The following PEG3 variants were observed in gnomAD, a reference collection of about 807,000 sequenced individuals.
PEG3 encodes the protein paternally expressed 3, also known as paternally-expressed gene 3 protein.
A neutral mutation model predicts 35.5 loss-of-function variants in PEG3; 23 were observed. That is an observed-to-expected ratio of 0.65 (90% CI 0.47 to 0.92). The LOEUF (loss-of-function observed/expected upper bound fraction) is 0.92, where lower values mean the gene tolerates loss of function less well. Ranked by LOEUF, PEG3 falls within the 40% of genes least tolerant of loss-of-function variation. The pLI, the probability that PEG3 is intolerant of heterozygous loss-of-function variation, is 0.00. For synonymous variants in PEG3, 707 were observed against 697.0 expected, an observed-to-expected ratio of 1.01 and a Z score of -0.23; for missense variants, 1,960 against 1,985.3, an observed-to-expected ratio of 0.99 and a Z score of 0.24.
In PEG3 at chr19:56,813,356, A is replaced by C; in HGVS notation, c.*319T>G. The C allele has an allele frequency of 8.9e-7, 1 of 1,123,662 alleles. No homozygotes were observed. Among genetic ancestry groups the C allele is most frequent in the Non-Finnish European group, 1.1e-6 (1 of 913,182 alleles). 69.6% of individuals were successfully genotyped at this position (1,123,662 alleles called of 1,614,324 possible). ...TGAAACACTATATATACGTTACACA[A>C]GTGTCATTTACAGTTGATTTGGGCA... On this transcript the variant is annotated 3_prime_UTR_variant, in exon 10 of 10. Transcript: ENST00000326441.
chr19:56,821,543 C>T, intron 7 of PEG3, 108 bp downstream of exon 7: 1 of 1,385,108 alleles, frequency 7.2e-7, no homozygotes, highest in South Asian at 1.3e-5. Flanking sequence ...GGACTCTCAC[C>T]CCAGCTGGAC....
intron 7 of PEG3, among the ~76,000 whole-genome samples, chr19:56,819,071 A>C (rs1048625418): frequency 1.3e-5 from 2 of 152,208 alleles, no homozygotes; most frequent in East Asian, 3.9e-4. Flanking sequence ...AACAGTGTGC[A>C]AAGGTTTGTG....
rs199697676 is a variant in PEG3, at chr19:56,814,558, G to A, written c.3884C>T (p.Ala1295Val). ...AACAGTTACGTGATCTGCAAGTTCT[G>A]CTGGGTTGACGAAAGATTCTCCACA... The part of the protein sequence containing the change: ...AVCGESFVNP[A>V]ELADHVTVHK... Residue 1295 changes from alanine to valine, a missense_variant, in exon 10 of 10, where the codon GCA becomes GTA. This residue lies in a region of PEG3 where 416 missense variants were observed against 416.7 expected (regional missense o/e 1.00). Coordinates refer to ENST00000326441, the MANE Select transcript of PEG3 (RefSeq NM_006210.3). This position sits in a 1 kb window ranked among gnomAD's most constrained non-coding sequence, Gnocchi z 5.8. 13 of 1,613,696 alleles carry A rather than the reference G, an allele frequency of 8.1e-6. No individual in the cohort carries two copies. The highest frequency in any genetic ancestry group is 3.3e-4 in the Middle Eastern group (2 of 6,082).
chr19:56,816,684 A>G lies in PEG3; in HGVS notation c.1758T>C (p.Phe586=), dbSNP rs375629814. 19 of 1,613,982 alleles carry G rather than the reference A, an allele frequency of 1.2e-5. No individual in the cohort carries two copies. Among genetic ancestry groups the G allele is most frequent in the Admixed American group, 3.3e-5 (2 of 60,000 alleles). Residue 586 remains phenylalanine (F), a synonymous_variant, in exon 10 of 10, where the codon TTT becomes TTC. Transcript: ENST00000326441. The part of the protein sequence containing the change: ...SALIEHQKIH[F]GDDKDNEREH... The stretch of plus-strand genomic sequence containing the variant: ...CACGCTCATTATCTTTGTCATCCCC[A>G]AAGTGGATTTTCTGGTGCTCAATCA...
rs1600869838 is a variant in PEG3 at position 56,813,326 on chromosome 19, C to T, written c.*349G>A. On this transcript the variant is annotated 3_prime_UTR_variant, in exon 10 of 10. Transcript: ENST00000326441. Reference sequence around the variant, plus strand: ...GTCATAATTTGCTATTTTATATACACCTCATGAAACACTATATATACGTTA... The same window carrying T: ...GTCATAATTTGCTATTTTATATACATCTCATGAAACACTATATATACGTTA... 1 of 994,502 alleles carries T rather than the reference C, an allele frequency of 1.0e-6. No homozygotes were observed. The highest frequency in any genetic ancestry group is 1.7e-5 in the African/African-American group (1 of 58,796). 61.6% of individuals were successfully genotyped at this position (994,502 alleles called of 1,614,324 possible).
rs1445578693 is a variant in PEG3 at position 56,816,990 on chromosome 19, C to A, written c.1452G>T (p.Glu484Asp). 6 of 1,614,136 alleles carry A rather than the reference C, an allele frequency of 3.7e-6. No individual in the cohort carries two copies. The highest frequency in any genetic ancestry group is 5.1e-6 in the Non-Finnish European group (6 of 1,179,948). Residue 484 changes from glutamate to aspartate, a missense_variant, in exon 10 of 10, where the codon GAG becomes GAT. Glu to Asp is a conservative substitution (Grantham distance 45). This residue lies in a region of PEG3 where 798 missense variants were observed against 782.4 expected (regional missense o/e 1.02). Coordinates refer to ENST00000326441, the MANE Select transcript of PEG3 (RefSeq NM_006210.3). ...TGACAGCCACACTGTGGATAAAGGA[C>A]TCACCATACTCATAGAGGTTCTCTC... ...HTRENLYEYG[E>D]SFIHSVAVSE...
At chr19:56,836,789 C>T (rs189665992) in intron 1 of PEG3, among the ~76,000 whole-genome samples, 4 of 152,080 alleles carry the variant, frequency 2.6e-5, no homozygotes, top group East Asian at 3.9e-4. Context: ...GCCAAAATGG[C>T]GAAACCCCTG....
chr19:56,810,338 T>C lies in PEG3; in HGVS notation c.*3337A>G, dbSNP rs974014350. On this transcript the variant is annotated 3_prime_UTR_variant, in exon 10 of 10. Transcript: ENST00000326441. ...GTGGACTACCAAAACACTAGAATGA[T>C]GACCTTTCAAGGAAACCGAAACAAA... 3.0e-6 allele frequency: 3 copies of C among 985,244 alleles called. No individual in the cohort carries two copies. Among genetic ancestry groups the C allele is most frequent in the Non-Finnish European group, 3.6e-6 (3 of 829,734 alleles). 61.0% of individuals were successfully genotyped at this position (985,244 alleles called of 1,614,324 possible). A position where few individuals can be genotyped will look rare whatever the true frequency, so the allele number is the denominator to read the frequency against.
rs754285638 is a variant in PEG3, at chr19:56,812,346, C to T, written c.*1329G>A. The T allele has an allele frequency of 1.2e-5, 12 of 982,434 alleles. No homozygotes were observed. Among genetic ancestry groups the T allele is most frequent in the Non-Finnish European group, 1.4e-5 (12 of 827,772 alleles). The allele number at this position is 982,434 out of a possible 1,614,324, so 60.9% of individuals were successfully genotyped here. On this transcript the variant is annotated 3_prime_UTR_variant, in exon 10 of 10. Coordinates refer to ENST00000326441, the MANE Select transcript of PEG3 (RefSeq NM_006210.3). ...TCTAGGAGAGCTGAAAAAGAAGGAACAGATGTTAACAAAACAAATTAAGGC... is the reference window on the plus strand; with the variant it reads ...TCTAGGAGAGCTGAAAAAGAAGGAATAGATGTTAACAAAACAAATTAAGGC...
At position 56,813,090 on chromosome 19, in the gene PEG3, A is replaced by C. The variant is rs1035016711; in HGVS notation, c.*585T>G. 1.0e-6 allele frequency: 1 copy of C among 985,334 alleles called. No homozygotes were observed. Among genetic ancestry groups the C allele is most frequent in the Non-Finnish European group, 1.2e-6 (1 of 829,834 alleles). The allele number at this position is 985,334 out of a possible 1,614,324, so 61.0% of individuals were successfully genotyped here. On this transcript the variant is annotated 3_prime_UTR_variant, in exon 10 of 10. Coordinates refer to ENST00000326441, the MANE Select transcript of PEG3 (RefSeq NM_006210.3). ...ACAAGACTATTTAAGGGTAAGAAAC[A>C]AAACAATTACTCAAAAAGATATTGA... is the stretch of plus-strand genomic sequence containing the variant.
chr19:56,810,386 CA>C lies in PEG3; in HGVS notation c.*3288del. The C allele has an allele frequency of 1.0e-6, 1 of 985,358 alleles. No individual in the cohort carries two copies. The highest frequency in any genetic ancestry group is 4.7e-5 in the South Asian group (1 of 21,284). 61.0% of individuals were successfully genotyped at this position (985,358 alleles called of 1,614,324 possible). On this transcript the variant is annotated 3_prime_UTR_variant, in exon 10 of 10. Transcript: ENST00000326441. ...AAAATAACCATAATCCCACAACAAC[CA>C]CACAACTATTTCTTGTTTTTCATCT...
In PEG3 at chr19:56,817,088, A is replaced by C. The variant is rs1176557357; in HGVS notation, c.1354T>G (p.Tyr452Asp). ...GACCTCCCACACTCATCACATACAT[A>C]TGGCATTGCCCCAAAATCAATTGGC... is the stretch of plus-strand genomic sequence containing the variant. ...SQPIDFGAMP[Y>D]VCDECGRSFS... The change falls in exon 10 of 10, where the codon TAT (tyrosine) becomes GAT (aspartate). Residue 452 changes from tyrosine to aspartate, a missense_variant. Coordinates refer to ENST00000326441, the MANE Select transcript of PEG3 (RefSeq NM_006210.3). 1 of 1,614,140 alleles carries C rather than the reference A, an allele frequency of 6.2e-7. No individual in the cohort carries two copies. Among genetic ancestry groups the C allele is most frequent in the East Asian group, 2.2e-5 (1 of 44,882 alleles).
rs1028565799 is a variant in PEG3, at chr19:56,813,053, G to A, written c.*622C>T. 3 of 984,984 alleles carry A rather than the reference G, an allele frequency of 3.0e-6. No individual in the cohort carries two copies. The highest frequency in any genetic ancestry group is 1.1e-4 in the East Asian group (1 of 8,824). The allele number at this position is 984,984 out of a possible 1,614,324, so 61.0% of individuals were successfully genotyped here. On this transcript the variant is annotated 3_prime_UTR_variant, in exon 10 of 10. Transcript: ENST00000326441. ...GAGTAAAAGCCATGTTATCTATCAT[G>A]CCTACAGCTTCACAAGACTATTTAA...
At chr19:56,822,542 T>C in intron 6 of PEG3, 1 of 534,892 alleles carries the variant, frequency 1.9e-6, no homozygotes. Context: ...GAGCAAATAG[T>C]TTAGGTGGCA....
In PEG3 at chr19:56,810,813, G is replaced by A. The variant is rs2048096862; in HGVS notation, c.*2862C>T. The A allele has an allele frequency of 3.1e-6, 3 of 971,366 alleles. No individual in the cohort carries two copies. The highest frequency in any genetic ancestry group is 3.7e-6 in the Non-Finnish European group (3 of 817,352). 60.2% of individuals were successfully genotyped at this position (971,366 alleles called of 1,614,324 possible). A position where few individuals can be genotyped will look rare whatever the true frequency, so the allele number is the denominator to read the frequency against. Reference sequence around the variant, plus strand: ...GTTAGCAGTAGTTGTTAGGTGTTGGGAATATAGGTAATTTTTTAAAATAAT... The same window carrying A: ...GTTAGCAGTAGTTGTTAGGTGTTGGAAATATAGGTAATTTTTTAAAATAAT... On this transcript the variant is annotated 3_prime_UTR_variant, in exon 10 of 10. Transcript: ENST00000326441.
In PEG3 at chr19:56,812,184, A is replaced by G; in HGVS notation, c.*1491T>C. 2 of 980,044 alleles carry G rather than the reference A, an allele frequency of 2.0e-6. No homozygotes were observed. The highest frequency in any genetic ancestry group is 2.4e-6 in the Non-Finnish European group (2 of 825,280). The allele number at this position is 980,044 out of a possible 1,614,324, so 60.7% of individuals were successfully genotyped here. ...TCAAGGCCAAAAAAAATTTCTTAAT[A>G]TAGTTATTATGCGAGGGGAGGGGAA... On this transcript the variant is annotated 3_prime_UTR_variant, in exon 10 of 10. Transcript: ENST00000326441.
At chr19:56,836,141 T>C (rs959782568) in intron 1 of PEG3, 37 bp from the exon 2 acceptor site, 1 of 450,008 alleles carries the variant, frequency 2.2e-6, no homozygotes, top group African/African-American at 2.0e-5. Flanking sequence ...GCCAAGTTTA[T>C]TTTGCAGTTA....
Position 56,817,301 on chromosome 19 carries a change from G to C in PEG3, c.1141C>G (p.Leu381Val), listed in dbSNP as rs746531138. Residue 381 changes from leucine (L) to valine (V), a missense_variant, in exon 10 of 10, where the codon CTT becomes GTT. Leu to Val is a conservative substitution (Grantham distance 32). This residue lies in a region of PEG3 where 613 missense variants were observed against 577.1 expected (regional missense o/e 1.06). Transcript: ENST00000326441. ...TCAAGAACTCTCTTTCTGGAAACAAGGGTTGAATTAAACCTAAAGCCTCCC... is the reference window on the plus strand; with the variant it reads ...TCAAGAACTCTCTTTCTGGAAACAACGGTTGAATTAAACCTAAAGCCTCCC... ...FRGGFRFNST[L>V]VSRKRVLERK... The C allele has an allele frequency of 3.7e-6, 6 of 1,614,104 alleles. No homozygotes were observed. In the South Asian group the frequency reaches 5.5e-5, roughly 15 times the overall value.
rs1022361276 is a variant in PEG3 at position 56,812,981 on chromosome 19, A to G, written c.*694T>C. On this transcript the variant is annotated 3_prime_UTR_variant, in exon 10 of 10. Transcript: ENST00000326441. The stretch of plus-strand genomic sequence containing the variant: ...GGTTCCAAAGTGTTGGCGCAGATGA[A>G]ATGGCTGCAGAAAGAAGCTAAAGTA... The G allele has an allele frequency of 7.1e-6, 7 of 985,738 alleles. No individual in the cohort carries two copies. The African/African-American group carries it at 1.2e-4, about 17-fold the overall frequency. The allele number at this position is 985,738 out of a possible 1,614,324, so 61.1% of individuals were successfully genotyped here. A position where few individuals can be genotyped will look rare whatever the true frequency, so the allele number is the denominator to read the frequency against.
Sources: gnomAD v4.1 joint callset for allele counts (sites outside exome capture counted in the v4.1 genomes callset) on GRCh38, gnomAD v4.1.1 for gene constraint, gnomAD v4.1.1 regional missense constraint, Gnocchi (gnomAD v3.1) non-coding constraint, MANE v1.5 for transcripts, NCBI Gene and HGNC (gene_info 2026-07-23, HGNC 2026-07-21) for gene names.